Variants in GRIK1 observed in about 807,000 individuals in gnomAD.
GRIK1 encodes glutamate ionotropic receptor kainate type subunit 1.
Under a neutral mutation model 105.7 loss-of-function variants are expected in GRIK1, and 69 were observed. That is an observed-to-expected ratio of 0.65 (90% confidence interval 0.54 to 0.80). GRIK1 has a LOEUF of 0.80. GRIK1 is among the 30% of genes least tolerant of loss of function. The pLI is 0.00. For missense variants in GRIK1, 1,109 were observed against 1,167.3 expected (o/e 0.95, Z 0.73); for synonymous variants, 438 against 431.3 (o/e 1.02, Z -0.19).
At chr21:29,830,678 A>G (rs1429701593) in intron 1 of GRIK1, among the ~76,000 whole-genome samples, 2 of 152,144 alleles carry the variant, frequency 1.3e-5, no homozygotes, top group East Asian at 1.9e-4. Flanking sequence ...CTTTCACATA[A>G]TAAGTGCAAG....
At chr21:29,887,636 G>A (rs551789482) in intron 1 of GRIK1, among the ~76,000 whole-genome samples, 6 of 152,180 alleles carry the variant, frequency 3.9e-5, no homozygotes, top group Non-Finnish European at 8.8e-5. Flanking sequence ...GAGGTAAGGG[G>A]TTGCTTGCTT....
At chr21:29,722,302 A>C (rs930621909) in intron 1 of GRIK1, among the ~76,000 whole-genome samples, 1 of 152,164 alleles carries the variant, frequency 6.6e-6, no homozygotes. Flanking sequence ...TAAAAAATTT[A>C]AAAAAGCACT....
Position 29,560,279 on chromosome 21 carries a change from TTTTCTTTCTTTCTTTCTTTCTTTC to T in GRIK1, c.2356+1321_2356+1344del, listed in dbSNP as rs56295343. ...TATACCAGGACCTTATATGATACAG[TTTTCTTTCTTTCTTTCTTTCTTTC>T]TTTCTTTCTTTCTTTCTTTCTTTCT... On this transcript the variant is annotated intron_variant, in intron 15 of 17. Transcript: ENST00000327783. Among the ~76,000 whole-genome samples, 359 of 69,930 alleles carry T rather than the reference TTTTCTTTCTTTCTTTCTTTCTTTC, an allele frequency of 5.1e-3. 4 individuals carry two copies. Among genetic ancestry groups the T allele is most frequent in the Non-Finnish European group, 6.6e-3 (211 of 32,038 alleles). The allele number at this position is 69,930 out of a possible 152,430, so 45.9% of individuals were successfully genotyped here. A position where few individuals can be genotyped will look rare whatever the true frequency, so the allele number is the denominator to read the frequency against.
chr21:29,593,071 C>T (rs1224683837), intron 9 of GRIK1, among the ~76,000 whole-genome samples: 1 of 152,192 alleles, frequency 6.6e-6, no homozygotes, highest in East Asian at 1.9e-4. Context: ...CTTTTAGAGA[C>T]ATCAATGCTT....
chr21:29,537,486 T>A, intron 17 of GRIK1, 101 bp from the exon 18 acceptor site: 1 of 933,678 alleles, frequency 1.1e-6, no homozygotes. Context: ...GATATTGGCT[T>A]GAAGGCAGCT....
intron 4 of GRIK1, among the ~76,000 whole-genome samples, chr21:29,656,259 G>C (rs915017789): frequency 1.3e-5 from 2 of 149,322 alleles, no homozygotes; most frequent in African/African-American, 5.0e-5. Flanking sequence ...CTACTCAGGA[G>C]GCTGAGGCAG....
chr21:29,562,490 T>G (rs1396669122), intron 14 of GRIK1, among the ~76,000 whole-genome samples: 1 of 152,132 alleles, frequency 6.6e-6, no homozygotes, highest in Non-Finnish European at 1.5e-5. Context: ...ACCCTGTCTC[T>G]ACTGAAAAAA....
chr21:29,606,778 C>G (rs2061629549), intron 7 of GRIK1, among the ~76,000 whole-genome samples: 1 of 144,846 alleles, frequency 6.9e-6, no homozygotes, highest in Non-Finnish European at 1.5e-5. Flanking sequence ...TCTGCTGACT[C>G]TCTGTCTCTG....
intron 9 of GRIK1, among the ~76,000 whole-genome samples, chr21:29,592,286 T>G (rs1427978891): frequency 6.6e-6 from 1 of 152,218 alleles, no homozygotes; most frequent in Non-Finnish European, 1.5e-5. Flanking sequence ...ACTCCTTCAG[T>G]GAGGATGCTC....
At chr21:29,560,165 C>G (rs972714697) in intron 15 of GRIK1, among the ~76,000 whole-genome samples, 1 of 152,082 alleles carries the variant, frequency 6.6e-6, no homozygotes, top group Non-Finnish European at 1.5e-5. Context: ...CTGGACTTGC[C>G]CAGTAGTCTA....
intron 1 of GRIK1, among the ~76,000 whole-genome samples, chr21:29,726,130 C>T (rs1415695010): frequency 6.6e-6 from 1 of 152,246 alleles, no homozygotes; most frequent in East Asian, 1.9e-4. Context: ...CTGTTTTGAT[C>T]ATCAAACCAA....
At chr21:29,859,326 C>G (rs1338384143) in intron 1 of GRIK1, among the ~76,000 whole-genome samples, 2 of 150,914 alleles carry the variant, frequency 1.3e-5, no homozygotes, top group African/African-American at 4.9e-5. Flanking sequence ...CTAACCTGCA[C>G]GTTGTGCACA....
intron 8 of GRIK1, chr21:29,597,722 C>A: frequency 7.4e-6 from 3 of 405,466 alleles, no homozygotes; most frequent in South Asian, 1.9e-5. Flanking sequence ...ATAATGTGTA[C>A]TCTCAAAACT....
At chr21:29,920,570 C>T (rs542173424) in intron 1 of GRIK1, among the ~76,000 whole-genome samples, 10 of 152,168 alleles carry the variant, frequency 6.6e-5, no homozygotes, top group Middle Eastern at 3.4e-3. Context: ...TAATATTTGT[C>T]GTAGTTTAGA....
intron 1 of GRIK1, among the ~76,000 whole-genome samples, chr21:29,757,720 T>C (rs2065387185): frequency 6.6e-6 from 1 of 152,252 alleles, no homozygotes; most frequent in Non-Finnish European, 1.5e-5. Flanking sequence ...TTTCAACTTC[T>C]GCATTAATGA....
chr21:29,544,017 C>T (rs1468522900), intron 16 of GRIK1, among the ~76,000 whole-genome samples: 1 of 152,162 alleles, frequency 6.6e-6, no homozygotes, highest in African/African-American at 2.4e-5. Context: ...TGTTCCCACA[C>T]CTGGGACCTG....
At position 29,560,502 on chromosome 21, in the gene GRIK1, TCC is replaced by T. The variant is rs760559510; in HGVS notation, c.2356+1120_2356+1121del. Among the ~76,000 whole-genome samples the T allele has an allele frequency of 9.2e-3, 177 of 19,162 alleles. 25 individuals carry two copies. The highest frequency in any genetic ancestry group is 0.029 in the African/African-American group (120 of 4,084). 12.6% of individuals were successfully genotyped at this position (19,162 alleles called of 152,430 possible). On this transcript the variant is annotated intron_variant, in intron 15 of 17. Coordinates refer to ENST00000327783, the MANE Select transcript of GRIK1 (RefSeq NM_001330994.2). ...CTCTCCCTTTCTTTCTTTCTTTCCTTCCTTCCTTCCTTCCTTCCTTTCTTTCT... is the reference window on the plus strand; with the variant it reads ...CTCTCCCTTTCTTTCTTTCTTTCCTTTTCCTTCCTTCCTTCCTTTCTTTCT...
intron 15 of GRIK1, among the ~76,000 whole-genome samples, chr21:29,560,350 TCTTTCTTTTTCTTTCTTC>T (rs1568813231): frequency 7.6e-5 from 8 of 105,942 alleles, no homozygotes; most frequent in African/African-American, 3.3e-4. Flanking sequence ...TTTCTTTCTT[TCTTTCTTTTTCTTTCTTC>T]CTTCCTTCCT....
At chr21:29,703,177 C>T (rs2063844763) in intron 1 of GRIK1, among the ~76,000 whole-genome samples, 1 of 152,162 alleles carries the variant, frequency 6.6e-6, no homozygotes, top group African/African-American at 2.4e-5. Context: ...TGTGACAGGG[C>T]CAAGATACTA....
Sources: allele counts gnomAD v4.1 joint callset (sites outside exome capture counted in the v4.1 genomes callset), GRCh38; gene constraint gnomAD v4.1.1; transcripts MANE v1.5; gene names NCBI Gene and HGNC (gene_info 2026-07-23, HGNC 2026-07-21).